The following KHDRBS1 variants were observed in gnomAD, a reference collection of about 807,000 sequenced individuals.
The protein encoded by KHDRBS1 is KH RNA binding domain containing, signal transduction associated 1, also known as KH domain-containing, RNA-binding, signal transduction-associated protein 1.
Under a neutral mutation model 48.4 loss-of-function variants are expected in KHDRBS1, and 7 were observed. The observed-to-expected ratio is 0.14, with a 90% confidence interval of 0.08 to 0.27. KHDRBS1 has a LOEUF of 0.27. KHDRBS1 is among the 10% of genes least tolerant of loss of function. The probability of loss-of-function intolerance (pLI) is 1.00; values close to 1 mark genes in which losing one functional copy is unlikely to be tolerated. For synonymous variants in KHDRBS1, 241 were observed against 235.8 expected, an observed-to-expected ratio of 1.02 and a Z score of -0.20; for missense variants, 458 against 601.2, an observed-to-expected ratio of 0.76 and a Z score of 2.49.
intron 10 of KHDRBS1, among the ~76,000 whole-genome samples, chr1:32,052,928 C>T (rs568544452): frequency 1.3e-4 from 20 of 152,006 alleles, no homozygotes; most frequent in Non-Finnish European, 2.5e-4. Context: ...GCAGGAGTAT[C>T]GCTAGAGTCC....
At chr1:32,033,406 G>C (rs1488079018) in intron 4 of KHDRBS1, 72 bp downstream of exon 4, 2 of 1,579,148 alleles carry the variant, frequency 1.3e-6, no homozygotes, top group Admixed American at 3.5e-5. Flanking sequence ...GAAGGTAGGG[G>C]TTCTTAACTA....
intron 10 of KHDRBS1, among the ~76,000 whole-genome samples, chr1:32,055,304 CGG>C (rs1557901839): frequency 2.6e-5 from 4 of 151,988 alleles, no homozygotes; most frequent in African/African-American, 9.7e-5. Flanking sequence ...AAAAATTAGC[CGG>C]ACGTGGTGGC....
At chr1:32,023,517 C>T (rs1179835704) in intron 1 of KHDRBS1, among the ~76,000 whole-genome samples, 1 of 152,128 alleles carries the variant, frequency 6.6e-6, no homozygotes, top group Admixed American at 6.5e-5. Context: ...AATGGGTCAC[C>T]TCTTGTGTTG....
downstream of KHDRBS1, among the ~76,000 whole-genome samples, chr1:32,044,586 C>T (rs1396389882): frequency 6.6e-6 from 1 of 152,104 alleles, no homozygotes; most frequent in Non-Finnish European, 1.5e-5. Flanking sequence ...CTGCCTGCAG[C>T]AGTGCATGAT....
At chr1:32,060,316 GA>G (rs1433097899) in exon 11 of KHDRBS1, 1 of 152,212 alleles carries the variant, frequency 6.6e-6, no homozygotes, top group Non-Finnish European at 1.5e-5. Context: ...AGCCAGTCAG[GA>G]TCCCTTAAGA....
At position 32,029,622 on chromosome 1, in the gene KHDRBS1, A is replaced by G. The variant is rs79202876; in HGVS notation, c.383-676A>G. On this transcript the variant is annotated intron_variant, in intron 1 of 8. Coordinates refer to ENST00000327300, the MANE Select transcript of KHDRBS1 (RefSeq NM_006559.3). ...CAGTGAGCCGAGATCATGCCATTGC[A>G]CTCCAACCTGGACAAAAAGAGCGAA... Among the ~76,000 whole-genome samples, 253 of 152,292 alleles carry G rather than the reference A, an allele frequency of 1.7e-3. 3 individuals are homozygous for G. The East Asian group carries it at 0.027, about 16-fold the overall frequency.
At position 32,043,617 on chromosome 1, in the gene KHDRBS1, A is replaced by G. The variant is rs748692549; in HGVS notation, c.*993A>G. On this transcript the variant is annotated 3_prime_UTR_variant, in exon 9 of 9. Coordinates refer to ENST00000327300, the MANE Select transcript of KHDRBS1 (RefSeq NM_006559.3). Reference sequence around the variant, plus strand: ...GATTTTCTTAAGTTGACGGTTGTCAATATATCGAACTGTTCCCAAGTTAGT... The same window carrying G: ...GATTTTCTTAAGTTGACGGTTGTCAGTATATCGAACTGTTCCCAAGTTAGT... The G allele has an allele frequency of 9.8e-5, 15 of 152,660 alleles. No individual in the cohort carries two copies. The highest frequency in any genetic ancestry group is 2.2e-4 in the African/African-American group (9 of 41,464). The allele number at this position is 152,660 out of a possible 1,614,324, so 9.5% of individuals were successfully genotyped here. A position where few individuals can be genotyped will look rare whatever the true frequency, so the allele number is the denominator to read the frequency against.
At chr1:32,015,893 T>C (rs1253585626) in intron 1 of KHDRBS1, among the ~76,000 whole-genome samples, 2 of 152,070 alleles carry the variant, frequency 1.3e-5, no homozygotes, top group Admixed American at 6.6e-5. Flanking sequence ...TAAGATCACA[T>C]GGAAGGGGCA....
chr1:32,027,047 A>T (rs1387929161), intron 1 of KHDRBS1, among the ~76,000 whole-genome samples: 1 of 152,158 alleles, frequency 6.6e-6, no homozygotes, highest in Non-Finnish European at 1.5e-5. Flanking sequence ...CGCCCACCTC[A>T]GCCTCCCAAA....
At chr1:32,027,988 A>T (rs1639007875) in intron 1 of KHDRBS1, among the ~76,000 whole-genome samples, 1 of 152,132 alleles carries the variant, frequency 6.6e-6, no homozygotes, top group Non-Finnish European at 1.5e-5. Flanking sequence ...ATAGTGGCGC[A>T]TGCCTGTAGT....
chr1:32,041,024 CTG>C (rs1266146328), intron 8 of KHDRBS1, among the ~76,000 whole-genome samples: 1 of 152,164 alleles, frequency 6.6e-6, no homozygotes, highest in Admixed American at 6.5e-5. Context: ...AGTGGGGCCT[CTG>C]TATGTGTTTG....
Position 32,031,535 on chromosome 1 carries a change from G to A in KHDRBS1, c.519G>A (p.Val173=), listed in dbSNP as rs1639080933. The A allele has an allele frequency of 6.3e-7, 1 of 1,593,000 alleles. No individual in the cohort carries two copies. Among genetic ancestry groups the A allele is most frequent in the Non-Finnish European group, 8.5e-7 (1 of 1,171,088 alleles). ...PVKQYPKFNF[V]GKILGPQGNT... is the part of the protein sequence containing the mutation. ...CTATTTTCTGTCAGTTCAATTTTGT[G>A]GGGAAGATTCTTGGACCACAAGGGA... Residue 173 remains valine (V), a synonymous_variant, in exon 3 of 9, where the codon GTG becomes GTA. Transcript: ENST00000327300.
At chr1:32,027,557 T>C (rs1409102302) in intron 1 of KHDRBS1, among the ~76,000 whole-genome samples, 1 of 152,224 alleles carries the variant, frequency 6.6e-6, no homozygotes, top group African/African-American at 2.4e-5. Context: ...AACAGGATTG[T>C]GAAGAGCACT....
downstream of KHDRBS1, among the ~76,000 whole-genome samples, chr1:32,047,038 C>G (rs1350114041): frequency 6.6e-6 from 1 of 152,184 alleles, no homozygotes; most frequent in Non-Finnish European, 1.5e-5. Flanking sequence ...GTGAACTGTG[C>G]TTGGAAAGGC....
At chr1:32,047,119 C>G (rs967147023), downstream of KHDRBS1, among the ~76,000 whole-genome samples, 4 of 152,128 alleles carry the variant, frequency 2.6e-5, no homozygotes, top group Non-Finnish European at 4.4e-5. Context: ...CCCATTGATC[C>G]AAGTGTTTTC....
chr1:32,038,704 C>T, intron 7 of KHDRBS1, 85 bp downstream of exon 7: 1 of 1,307,710 alleles, frequency 7.6e-7, no homozygotes, highest in South Asian at 1.2e-5. Flanking sequence ...GACAGTACAA[C>T]CCTAAGGAGC....
At chr1:32,030,475 G>C in intron 2 of KHDRBS1, 53 bp downstream of exon 2, 1 of 1,507,734 alleles carries the variant, frequency 6.6e-7, no homozygotes, top group Non-Finnish European at 8.9e-7. Flanking sequence ...TTATGAGAGA[G>C]TCATGGGCTA....
intron 1 of KHDRBS1, among the ~76,000 whole-genome samples, chr1:32,028,885 C>T (rs1639027868): frequency 6.6e-6 from 1 of 151,810 alleles, no homozygotes; most frequent in Non-Finnish European, 1.5e-5. Context: ...CTGCCCTCAT[C>T]TCTATTAGAA....
chr1:32,041,182 A>G (rs1047472205), intron 8 of KHDRBS1, among the ~76,000 whole-genome samples: 1 of 152,188 alleles, frequency 6.6e-6, no homozygotes. Flanking sequence ...ACTGTCCAGG[A>G]TGATCTGTAT....
Sources: allele counts gnomAD v4.1 joint callset (sites outside exome capture counted in the v4.1 genomes callset), GRCh38; gene constraint gnomAD v4.1.1; transcripts MANE v1.5; gene names NCBI Gene and HGNC (gene_info 2026-07-23, HGNC 2026-07-21).